The following ULK4 variants were observed in gnomAD, a reference collection of about 807,000 sequenced individuals.
ULK4 encodes unc-51 like kinase 4.
A neutral mutation model predicts 160.6 loss-of-function variants in ULK4; 133 were observed. The ratio of observed to expected loss-of-function variants is 0.83; its 90% confidence interval spans 0.72 to 0.96. ULK4 has a LOEUF of 0.96. ULK4 is among the 40% of genes least tolerant of loss of function. The pLI is 0.00. For synonymous variants in ULK4, 534 were observed against 539.8 expected, an observed-to-expected ratio of 0.99 and a Z score of 0.15; for missense variants, 1,580 against 1,499.5, an observed-to-expected ratio of 1.05 and a Z score of -0.89.
chr3:41,750,770 T>C (rs1305494521), intron 22 of ULK4, among the ~76,000 whole-genome samples: 2 of 150,132 alleles, frequency 1.3e-5, no homozygotes, highest in Non-Finnish European at 3.0e-5. Flanking sequence ...TCAAGGCGGG[T>C]GGATTATTTG....
At chr3:41,303,799 A>G (rs1227357730) in intron 35 of ULK4, among the ~76,000 whole-genome samples, 2 of 152,010 alleles carry the variant, frequency 1.3e-5, no homozygotes, top group Admixed American at 6.6e-5. Flanking sequence ...CAGGGGGAAG[A>G]GCAGCCTGCA....
At chr3:41,715,650 T>A (rs1187760316) in intron 23 of ULK4, 82 bp from the exon 24 acceptor site, 49 of 1,561,856 alleles carry the variant, frequency 3.1e-5, no homozygotes, top group Non-Finnish European at 1.4e-5. Flanking sequence ...TGAATACCCA[T>A]GGGACTTCTA....
At chr3:41,954,861 T>C (rs1700431267) in intron 1 of ULK4, 54 bp from the exon 2 acceptor site, 1 of 1,202,866 alleles carries the variant, frequency 8.3e-7, no homozygotes, top group Non-Finnish European at 1.2e-6. Context: ...GCATAATTAA[T>C]TAGCCTAGGA....
chr3:41,724,374 T>G (rs907596506), intron 22 of ULK4, among the ~76,000 whole-genome samples: 1 of 152,100 alleles, frequency 6.6e-6, no homozygotes, highest in Non-Finnish European at 1.5e-5. Flanking sequence ...ACACTGATGA[T>G]CAGTTTTCTA....
intron 32 of ULK4, among the ~76,000 whole-genome samples, chr3:41,464,331 G>A (rs549602437): frequency 2.6e-5 from 4 of 152,190 alleles, no homozygotes; most frequent in South Asian, 2.1e-4. Flanking sequence ...AATGACAGAC[G>A]CATCAAAGTT....
chr3:41,773,798 A>C (rs1481628615), intron 21 of ULK4, among the ~76,000 whole-genome samples: 1 of 152,212 alleles, frequency 6.6e-6, no homozygotes, highest in Non-Finnish European at 1.5e-5. Flanking sequence ...AGCTGGAGGC[A>C]TCACGCTACC....
chr3:41,278,551 C>T (rs1351827298), intron 35 of ULK4, among the ~76,000 whole-genome samples: 2 of 152,154 alleles, frequency 1.3e-5, no homozygotes, highest in South Asian at 4.1e-4. Flanking sequence ...TAGGGGCCAA[C>T]AGATACCTCG....
intron 35 of ULK4, among the ~76,000 whole-genome samples, chr3:41,301,824 T>C (rs1222874053): frequency 6.6e-6 from 1 of 152,202 alleles, no homozygotes; most frequent in Non-Finnish European, 1.5e-5. Context: ...AGGGACATTC[T>C]AAGAGTTATT....
At chr3:41,428,157 C>T (rs1575546066) in intron 34 of ULK4, among the ~76,000 whole-genome samples, 1 of 152,226 alleles carries the variant, frequency 6.6e-6, no homozygotes, top group East Asian at 1.9e-4. Context: ...ATAATGAACT[C>T]TCATTCACAA....
At chr3:41,803,998 CCCAGTAATGGGA>C (rs1368279702) in intron 19 of ULK4, among the ~76,000 whole-genome samples, 2 of 152,104 alleles carry the variant, frequency 1.3e-5, no homozygotes, top group Non-Finnish European at 2.9e-5. Flanking sequence ...TGGGTATATA[CCCAGTAATGGGA>C]TGGCTGGGTC....
chr3:41,490,812 G>A (rs189776511), intron 32 of ULK4, among the ~76,000 whole-genome samples: 3 of 152,160 alleles, frequency 2.0e-5, no homozygotes, highest in East Asian at 3.8e-4. Flanking sequence ...GGATAAGAGA[G>A]ACTATAAGAT....
intron 21 of ULK4, among the ~76,000 whole-genome samples, chr3:41,784,208 G>A (rs2039934851): frequency 6.6e-6 from 1 of 152,138 alleles, no homozygotes; most frequent in East Asian, 1.9e-4. Flanking sequence ...GCCGAGGCAG[G>A]TAGATCATCT....
intron 18 of ULK4, among the ~76,000 whole-genome samples, chr3:41,824,946 G>A (rs1420960128): frequency 6.6e-6 from 1 of 152,132 alleles, no homozygotes; most frequent in African/African-American, 2.4e-5. Context: ...CACAGGGCTG[G>A]GTACTCCTCT....
intron 35 of ULK4, chr3:41,251,170 T>C (rs1428883764): frequency 3.9e-5 from 6 of 152,156 alleles, no homozygotes; most frequent in African/African-American, 1.4e-4. Context: ...AGTTATGTGA[T>C]CAAAGGAAGA....
chr3:41,440,028 T>G (rs2083127614), intron 34 of ULK4, among the ~76,000 whole-genome samples: 1 of 152,206 alleles, frequency 6.6e-6, no homozygotes, highest in African/African-American at 2.4e-5. Context: ...TAAAATAGAT[T>G]TTTTTGCATA....
chr3:41,486,962 C>T (rs571612087), intron 32 of ULK4, among the ~76,000 whole-genome samples: 135 of 152,008 alleles, frequency 8.9e-4, no homozygotes, highest in Non-Finnish European at 1.6e-3. Context: ...TGACAATACC[C>T]GAAACAAATC....
intron 32 of ULK4, among the ~76,000 whole-genome samples, chr3:41,473,028 A>G (rs997459427): frequency 1.3e-5 from 2 of 152,260 alleles, no homozygotes; most frequent in African/African-American, 2.4e-5. Context: ...ATAGATGCAT[A>G]GAAATAATTT....
intron 27 of ULK4, among the ~76,000 whole-genome samples, chr3:41,690,397 T>A (rs2036256677): frequency 3.3e-5 from 5 of 151,374 alleles, no homozygotes; most frequent in Middle Eastern, 3.4e-3. Context: ...CATATGTAAC[T>A]AACCTGCACA....
intron 34 of ULK4, among the ~76,000 whole-genome samples, chr3:41,416,630 G>A (rs934134287): frequency 1.3e-5 from 2 of 152,050 alleles, no homozygotes; most frequent in Non-Finnish European, 2.9e-5. Context: ...TATAGTGCTG[G>A]CAGGAAAAAG....
Sources: gnomAD v4.1 joint callset for allele counts (sites outside exome capture counted in the v4.1 genomes callset) on GRCh38, gnomAD v4.1.1 for gene constraint, MANE v1.5 for transcripts, NCBI Gene and HGNC (gene_info 2026-07-23, HGNC 2026-07-21) for gene names.